RABGAP1L: variants seen among roughly 807,000 people sequenced by gnomAD.
The protein encoded by RABGAP1L is RAB GTPase activating protein 1 like, also known as rab GTPase-activating protein 1-like.
RABGAP1L carries 63 observed loss-of-function variants against 137.7 expected under a neutral mutation model. The ratio of observed to expected loss-of-function variants is 0.46; its 90% CI spans 0.37 to 0.56. The LOEUF (loss-of-function observed/expected upper bound fraction) is 0.56. Ranked by LOEUF, RABGAP1L falls within the 20% of genes least tolerant of loss-of-function variation. The probability of loss-of-function intolerance (pLI) is 0.00; values close to 1 mark genes in which losing one functional copy is unlikely to be tolerated. For missense variants in RABGAP1L, 1,095 were observed against 1,244.0 expected (o/e 0.88, Z 1.80); for synonymous variants, 431 against 433.7 (o/e 0.99, Z 0.08).
intron 18 of RABGAP1L, among the ~76,000 whole-genome samples, chr1:174,801,456 G>T (rs1688750691): frequency 6.6e-6 from 1 of 152,000 alleles, no homozygotes; most frequent in South Asian, 2.1e-4. Flanking sequence ...TACTAGTTCA[G>T]TCTTTATGTA....
At chr1:174,524,067 G>C (rs1002860065) in intron 13 of RABGAP1L, among the ~76,000 whole-genome samples, 6 of 152,102 alleles carry the variant, frequency 3.9e-5, no homozygotes, top group Admixed American at 2.0e-4. Flanking sequence ...CCATATCTTA[G>C]CTACTATGAA....
chr1:174,385,610 C>G (rs1686696596), intron 12 of RABGAP1L, among the ~76,000 whole-genome samples: 1 of 152,136 alleles, frequency 6.6e-6, no homozygotes, highest in Non-Finnish European at 1.5e-5. Flanking sequence ...CTCGACCACT[C>G]CAGTGTTTGG....
chr1:174,267,031 T>A (rs1674131521), intron 7 of RABGAP1L, among the ~76,000 whole-genome samples: 1 of 152,162 alleles, frequency 6.6e-6, no homozygotes, highest in African/African-American at 2.4e-5. Flanking sequence ...AGTTTAAGTT[T>A]CACTAGGAAC....
chr1:174,381,280 A>G (rs997733519), intron 12 of RABGAP1L, among the ~76,000 whole-genome samples: 1 of 146,318 alleles, frequency 6.8e-6, no homozygotes, highest in African/African-American at 2.6e-5. Flanking sequence ...TTTGGGGTGG[A>G]GAGTTCTGTA....
intron 12 of RABGAP1L, among the ~76,000 whole-genome samples, chr1:174,383,818 A>G (rs1686463446): frequency 6.6e-6 from 1 of 151,508 alleles, no homozygotes; most frequent in African/African-American, 2.4e-5. Flanking sequence ...TCCTCCTCGC[A>G]ACTGCAACTC....
intron 19 of RABGAP1L, among the ~76,000 whole-genome samples, chr1:174,814,215 A>T (rs561149113): frequency 1.3e-5 from 2 of 152,322 alleles, no homozygotes; most frequent in Middle Eastern, 3.4e-3. Flanking sequence ...GCTGGGTACA[A>T]CCAGAATAAA....
At chr1:174,288,920 G>A (rs139049302) in intron 10 of RABGAP1L, among the ~76,000 whole-genome samples, 177 of 152,152 alleles carry the variant, frequency 1.2e-3, no homozygotes, top group African/African-American at 4.2e-3. Flanking sequence ...TCTCTAACTG[G>A]ATAATTTTAA....
intron 7 of RABGAP1L, among the ~76,000 whole-genome samples, chr1:174,263,052 T>C (rs1317239250): frequency 5.3e-5 from 8 of 152,234 alleles, no homozygotes; most frequent in Non-Finnish European, 1.2e-4. Context: ...CTCATAGCTT[T>C]GGTTCTGTCT....
At chr1:174,825,703 C>T (rs919250087) in intron 19 of RABGAP1L, among the ~76,000 whole-genome samples, 4 of 152,142 alleles carry the variant, frequency 2.6e-5, no homozygotes, top group African/African-American at 9.7e-5. Context: ...GCCAAAATGG[C>T]AAAACCCCAT....
chr1:174,757,189 A>G, intron 18 of RABGAP1L: 2 of 334,634 alleles, frequency 6.0e-6, no homozygotes, highest in Non-Finnish European at 1.2e-5. Flanking sequence ...GCTCCTGCCT[A>G]TACCTCAAGC....
At chr1:174,529,089 C>T (rs12062483) in intron 13 of RABGAP1L, among the ~76,000 whole-genome samples, 1 of 150,568 alleles carries the variant, frequency 6.6e-6, no homozygotes, top group African/African-American at 2.5e-5. Context: ...CTTATATCTC[C>T]CTGAGCTTCT....
intron 13 of RABGAP1L, among the ~76,000 whole-genome samples, chr1:174,527,204 GTTT>G (rs57011947): frequency 1.7e-5 from 2 of 119,646 alleles, no homozygotes; most frequent in Non-Finnish European, 1.7e-5. Context: ...TTTTTATTTT[GTTT>G]TTTTTTTTTT....
At chr1:174,175,321 T>C (rs1197061029) in intron 1 of RABGAP1L, among the ~76,000 whole-genome samples, 1 of 152,164 alleles carries the variant, frequency 6.6e-6, no homozygotes, top group Non-Finnish European at 1.5e-5. Context: ...GGCATGAAGT[T>C]GGGGTCTGAG....
intron 1 of RABGAP1L, among the ~76,000 whole-genome samples, chr1:174,191,398 C>T (rs1667201280): frequency 6.6e-6 from 1 of 152,004 alleles, no homozygotes; most frequent in African/African-American, 2.4e-5. Context: ...TTAGTGTATC[C>T]CTGGTATGTT....
intron 13 of RABGAP1L, among the ~76,000 whole-genome samples, chr1:174,550,036 C>T (rs896633167): frequency 6.6e-6 from 1 of 152,108 alleles, no homozygotes; most frequent in African/African-American, 2.4e-5. Flanking sequence ...AGTGAAACCC[C>T]ATCTCTAACA....
At chr1:174,822,757 T>A (rs1220311999) in intron 19 of RABGAP1L, among the ~76,000 whole-genome samples, 1 of 152,196 alleles carries the variant, frequency 6.6e-6, no homozygotes, top group East Asian at 1.9e-4. Flanking sequence ...GGCACCTCTT[T>A]CTGTGTGGCC....
chr1:174,701,333 A>G (rs1281523524), intron 16 of RABGAP1L, among the ~76,000 whole-genome samples: 4 of 152,196 alleles, frequency 2.6e-5, no homozygotes, highest in Non-Finnish European at 5.9e-5. Context: ...AGATTTCTAA[A>G]TAGTTTGTCG....
intron 19 of RABGAP1L, chr1:174,875,729 A>T: frequency 1.0e-6 from 1 of 976,930 alleles, no homozygotes; most frequent in Non-Finnish European, 1.2e-6. Context: ...AACTGCCTGG[A>T]CACCTTATAA....
intron 11 of RABGAP1L, among the ~76,000 whole-genome samples, chr1:174,318,747 T>C (rs1357091778): frequency 6.6e-6 from 1 of 151,920 alleles, no homozygotes; most frequent in Admixed American, 6.6e-5. Context: ...TTATCTTTTA[T>C]GTATTTGCTA....
Sources: gnomAD v4.1 joint callset for allele counts (sites outside exome capture counted in the v4.1 genomes callset) on GRCh38, gnomAD v4.1.1 for gene constraint, MANE v1.5 for transcripts, NCBI Gene and HGNC (gene_info 2026-07-23, HGNC 2026-07-21) for gene names.